The following SRPK2 variants were observed in gnomAD, a reference collection of about 807,000 sequenced individuals.
SRPK2 encodes SRSF protein kinase 2, also known as SFRS protein kinase 2.
A neutral mutation model predicts 90.8 loss-of-function variants in SRPK2; 21 were observed. The observed-to-expected ratio is 0.23, with a 90% CI of 0.16 to 0.33. The LOEUF (loss-of-function observed/expected upper bound fraction) is 0.33. Ranked by LOEUF, SRPK2 falls within the 10% of genes least tolerant of loss-of-function variation. The pLI, the probability that SRPK2 is intolerant of heterozygous loss-of-function variation, is 1.00. For synonymous variants in SRPK2, 288 were observed against 311.1 expected, an observed-to-expected ratio of 0.93 and a Z score of 0.78; for missense variants, 620 against 869.0, an observed-to-expected ratio of 0.71 and a Z score of 3.60.
intron 3 of SRPK2, among the ~76,000 whole-genome samples, chr7:105,203,011 C>G (rs1330723906): frequency 6.6e-6 from 1 of 152,146 alleles, no homozygotes; most frequent in African/African-American, 2.4e-5. Flanking sequence ...TTTTTGGAGG[C>G]AGGATCTGGT....
chr7:105,227,368 G>A (rs780861448), intron 2 of SRPK2, among the ~76,000 whole-genome samples: 2 of 151,896 alleles, frequency 1.3e-5, no homozygotes, highest in African/African-American at 2.4e-5. Flanking sequence ...CCCAAAGTCC[G>A]TTGCATCATT....
chr7:105,340,436 T>C (rs987393510), intron 2 of SRPK2, among the ~76,000 whole-genome samples: 5 of 148,590 alleles, frequency 3.4e-5, no homozygotes, highest in African/African-American at 1.2e-4. Context: ...GGTCTTGCTC[T>C]GTCACCCAGG....
At chr7:105,222,831 G>GT in intron 2 of SRPK2, among the ~76,000 whole-genome samples, 1 of 152,034 alleles carries the variant, frequency 6.6e-6, no homozygotes, top group Non-Finnish European at 1.5e-5. Context: ...ACCTCATGGA[G>GT]TCGTCTGTGG....
chr7:105,167,280 T>C (rs1294243368), intron 6 of SRPK2, 97 bp downstream of exon 6: 11 of 951,586 alleles, frequency 1.2e-5, no homozygotes, highest in Non-Finnish European at 1.6e-5. Flanking sequence ...GTGTTTATGT[T>C]GAAGGTGATA....
In SRPK2 at chr7:105,373,279, G is replaced by A. The variant is rs1044263159; in HGVS notation, c.71+15369C>T. 4.6e-5 allele frequency among the ~76,000 whole-genome samples: 7 copies of A among 151,534 alleles called. No homozygotes were observed. The South Asian group carries it at 8.3e-4, about 18-fold the overall frequency. On this transcript the variant is annotated intron_variant, in intron 2 of 15. Transcript: ENST00000393651. ...CTAATGATATCTGAAGGCCATCAACGATAAACAAACGTAATAAATTTTTCT... is the reference window on the plus strand; with the variant it reads ...CTAATGATATCTGAAGGCCATCAACAATAAACAAACGTAATAAATTTTTCT...
At position 105,377,387 on chromosome 7, in the gene SRPK2, T is replaced by C. The variant is rs577312100; in HGVS notation, c.71+11261A>G. ...CAAACAGCTCTTAAAGGAATTTATATAGAGACCTCAAAAAGGCTGGCCAGG... is the reference window on the plus strand; with the variant it reads ...CAAACAGCTCTTAAAGGAATTTATACAGAGACCTCAAAAAGGCTGGCCAGG... On this transcript the variant is annotated intron_variant, in intron 2 of 15. Transcript: ENST00000393651. 1.6e-4 allele frequency among the ~76,000 whole-genome samples: 25 copies of C among 151,838 alleles called. No individual in the cohort carries two copies. In the South Asian group the frequency reaches 1.9e-3, roughly 11 times the overall value.
chr7:105,308,792 T>A (rs758508603), intron 2 of SRPK2, among the ~76,000 whole-genome samples: 1 of 152,192 alleles, frequency 6.6e-6, no homozygotes, highest in Non-Finnish European at 1.5e-5. Flanking sequence ...AGTATCACAG[T>A]TTCATAATTA....
At chr7:105,163,173 T>A (rs1286662273) in intron 6 of SRPK2, among the ~76,000 whole-genome samples, 1 of 152,178 alleles carries the variant, frequency 6.6e-6, no homozygotes, top group Non-Finnish European at 1.5e-5. Context: ...TTTCAAAAAT[T>A]TTTTTGCACC....
chr7:105,361,224 A>G (rs971674637), intron 2 of SRPK2, among the ~76,000 whole-genome samples: 2 of 152,168 alleles, frequency 1.3e-5, no homozygotes, highest in Non-Finnish European at 2.9e-5. Context: ...CCCATTCACA[A>G]TTGCTACAAA....
chr7:105,188,057 C>T (rs1412073585), intron 3 of SRPK2, among the ~76,000 whole-genome samples: 1 of 152,160 alleles, frequency 6.6e-6, no homozygotes, highest in Non-Finnish European at 1.5e-5. Context: ...AACAAATGTA[C>T]ACTTTAACTC....
chr7:105,362,974 A>G (rs186462308), intron 2 of SRPK2, among the ~76,000 whole-genome samples: 1 of 151,798 alleles, frequency 6.6e-6, no homozygotes, highest in African/African-American at 2.4e-5. Flanking sequence ...TCTCACTCAT[A>G]GGAACTGAAC....
At chr7:105,225,425 G>GA (rs561604918) in intron 2 of SRPK2, among the ~76,000 whole-genome samples, 3 of 152,196 alleles carry the variant, frequency 2.0e-5, no homozygotes, top group Non-Finnish European at 4.4e-5. Flanking sequence ...ACTCATACAT[G>GA]AAACCAGTAG....
intron 2 of SRPK2, among the ~76,000 whole-genome samples, chr7:105,379,736 TG>T (rs1370582360): frequency 2.0e-5 from 3 of 152,266 alleles, no homozygotes; most frequent in Admixed American, 6.5e-5. Context: ...CCCAGCACTT[TG>T]GGAAGCCGAG....
chr7:105,204,616 A>C lies in SRPK2; in HGVS notation c.72-831T>G, dbSNP rs1795970509. On this transcript the variant is annotated intron_variant, in intron 2 of 15. Transcript: ENST00000393651. Reference sequence around the variant, plus strand: ...GCGCTGAAGATGACGGCTGCTGTGGAAAGGTTGCTCTGAGGGTCAGTTGCC... The same window carrying C: ...GCGCTGAAGATGACGGCTGCTGTGGCAAGGTTGCTCTGAGGGTCAGTTGCC... 1.2e-5 allele frequency: 8 copies of C among 646,100 alleles called. 1 individual carries two copies. The highest frequency in any genetic ancestry group is 1.2e-4 in the South Asian group (8 of 65,924). 40.0% of individuals were successfully genotyped at this position (646,100 alleles called of 1,614,324 possible).
upstream of SRPK2, among the ~76,000 whole-genome samples, chr7:105,391,827 T>C (rs1421481398): frequency 6.6e-6 from 1 of 152,204 alleles, no homozygotes; most frequent in Non-Finnish European, 1.5e-5. Flanking sequence ...AAGCTAATTA[T>C]AGAATTAACA....
chr7:105,259,210 T>C (rs1350293151), intron 2 of SRPK2, among the ~76,000 whole-genome samples: 2 of 152,190 alleles, frequency 1.3e-5, no homozygotes, highest in Admixed American at 6.5e-5. Context: ...AAAATCAATG[T>C]GCAAAAATCA....
intron 2 of SRPK2, among the ~76,000 whole-genome samples, chr7:105,255,111 A>C (rs1803069132): frequency 1.3e-5 from 2 of 150,076 alleles, no homozygotes; most frequent in South Asian, 4.2e-4. Context: ...GAAATTTCTA[A>C]AATAAATAAG....
At chr7:105,164,385 T>C (rs1053275702) in intron 6 of SRPK2, among the ~76,000 whole-genome samples, 5 of 152,210 alleles carry the variant, frequency 3.3e-5, no homozygotes, top group Non-Finnish European at 2.9e-5. Context: ...GAGGGCAATT[T>C]TGTGAAGAGT....
chr7:105,160,688 T>A, intron 6 of SRPK2, 75 bp from the exon 7 acceptor site: 1 of 805,574 alleles, frequency 1.2e-6, no homozygotes, highest in Non-Finnish European at 2.2e-6. Context: ...CACCATTGTG[T>A]CACTTGCAAA....
Sources: allele counts gnomAD v4.1 joint callset (sites outside exome capture counted in the v4.1 genomes callset), GRCh38; gene constraint gnomAD v4.1.1; transcripts MANE v1.5; gene names NCBI Gene and HGNC (gene_info 2026-07-23, HGNC 2026-07-21).